HIVEP3: variants seen among roughly 807,000 people sequenced by gnomAD.
HIVEP3 encodes transcription factor HIVEP3.
Under a neutral mutation model 152.8 loss-of-function variants are expected in HIVEP3, and 49 were observed. That is an observed-to-expected ratio of 0.32 (90% CI 0.26 to 0.41). HIVEP3 has a LOEUF of 0.41. Ranked by LOEUF, HIVEP3 falls within the 10% of genes least tolerant of loss-of-function variation. HIVEP3 has a pLI of 1.00. For missense variants in HIVEP3, 2,790 were observed against 3,103.3 expected (o/e 0.90, Z 2.40); for synonymous variants, 1,269 against 1,289.0 (o/e 0.98, Z 0.33).
intron 1 of HIVEP3, among the ~76,000 whole-genome samples, chr1:41,715,440 G>T (rs560212054): frequency 6.6e-6 from 1 of 152,202 alleles, no homozygotes; most frequent in Non-Finnish European, 1.5e-5. Flanking sequence ...CCTGGGGAGG[G>T]TGGGAAGATG....
intron 1 of HIVEP3, among the ~76,000 whole-genome samples, chr1:41,909,665 T>A (rs962665474): frequency 6.6e-6 from 1 of 152,060 alleles, no homozygotes; most frequent in African/African-American, 2.4e-5. Context: ...CTAACAATGG[T>A]AGGATCCACA....
At chr1:41,902,752 G>A (rs558797447) in intron 1 of HIVEP3, among the ~76,000 whole-genome samples, 1 of 152,340 alleles carries the variant, frequency 6.6e-6, no homozygotes, top group South Asian at 2.1e-4. Context: ...TACCCTGGAA[G>A]AGCACACCAA....
chr1:41,541,131 G>A (rs1469458263), intron 5 of HIVEP3, among the ~76,000 whole-genome samples: 2 of 152,122 alleles, frequency 1.3e-5, no homozygotes, highest in African/African-American at 2.4e-5. Context: ...TGCCTCCTCC[G>A]ACCAGCTGTG....
intron 1 of HIVEP3, among the ~76,000 whole-genome samples, chr1:41,827,824 T>C (rs1004757095): frequency 3.7e-4 from 57 of 152,246 alleles, no homozygotes; most frequent in African/African-American, 1.3e-3. Context: ...ACCTCCCTTT[T>C]CCACAGGCTT....
intron 1 of HIVEP3, among the ~76,000 whole-genome samples, chr1:42,002,236 C>T (rs973206682): frequency 2.0e-5 from 3 of 152,198 alleles, no homozygotes; most frequent in African/African-American, 7.2e-5. Flanking sequence ...CCTCTGCCAC[C>T]CACTGCAGCT....
intron 3 of HIVEP3, among the ~76,000 whole-genome samples, chr1:41,620,434 C>T (rs1351862547): frequency 6.6e-6 from 1 of 152,188 alleles, no homozygotes; most frequent in Non-Finnish European, 1.5e-5. Context: ...TCTGATCCTC[C>T]TGTCCTGCCC....
intron 1 of HIVEP3, among the ~76,000 whole-genome samples, chr1:41,979,212 C>T (rs915295279): frequency 1.3e-5 from 2 of 152,172 alleles, no homozygotes; most frequent in Non-Finnish European, 2.9e-5. Flanking sequence ...GTTTGAGAAC[C>T]ACTGTTATCC....
Position 41,561,807 on chromosome 1 carries a change from T to C in HIVEP3, c.5207+13737A>G, listed in dbSNP as rs184860263. On this transcript the variant is annotated intron_variant, in intron 5 of 8. Coordinates refer to ENST00000372583, the MANE Select transcript of HIVEP3 (RefSeq NM_024503.5). ...CACCATGCCTGACCCATATTCACTT[T>C]GCATTTTAGTTTTCATTGTTACTGT... Among the ~76,000 whole-genome samples, 666 of 152,208 alleles carry C rather than the reference T, an allele frequency of 4.4e-3. 8 individuals carry two copies. Among genetic ancestry groups the C allele is most frequent in the African/African-American group, 0.015 (638 of 41,538 alleles).
chr1:41,917,812 C>G (rs1432144327), intron 1 of HIVEP3, among the ~76,000 whole-genome samples: 1 of 151,916 alleles, frequency 6.6e-6, no homozygotes, highest in Non-Finnish European at 1.5e-5. Flanking sequence ...AATGATTTTG[C>G]TTTAGGAATA....
intron 2 of HIVEP3, among the ~76,000 whole-genome samples, chr1:41,635,006 T>C (rs1195977983): frequency 6.6e-6 from 1 of 152,122 alleles, no homozygotes; most frequent in Non-Finnish European, 1.5e-5. Context: ...ATTCAAGAAA[T>C]AGAGAAAACA....
chr1:41,536,516 G>A (rs1222792487), intron 5 of HIVEP3, among the ~76,000 whole-genome samples: 1 of 152,086 alleles, frequency 6.6e-6, no homozygotes, highest in African/African-American at 2.4e-5. Context: ...CACTAGAGGG[G>A]GATGGGCTGG....
intron 2 of HIVEP3, among the ~76,000 whole-genome samples, chr1:41,676,113 A>AC (rs1645951450): frequency 1.3e-5 from 2 of 151,108 alleles, no homozygotes; most frequent in Admixed American, 1.3e-4. Flanking sequence ...GTGCAGTGGC[A>AC]CCATCTCGGC....
At chr1:41,563,670 G>A (rs1442424383) in intron 5 of HIVEP3, among the ~76,000 whole-genome samples, 3 of 152,064 alleles carry the variant, frequency 2.0e-5, no homozygotes, top group Non-Finnish European at 4.4e-5. Flanking sequence ...AACATGAGAA[G>A]ACACCAAAGG....
chr1:41,854,325 C>T (rs532601609), intron 1 of HIVEP3, among the ~76,000 whole-genome samples: 28 of 152,146 alleles, frequency 1.8e-4, no homozygotes, highest in South Asian at 1.0e-3. Context: ...TGAAGGGCCA[C>T]GGGTGCCTGG....
intron 1 of HIVEP3, among the ~76,000 whole-genome samples, chr1:41,884,695 G>A (rs1004478545): frequency 3.2e-4 from 48 of 152,230 alleles, no homozygotes; most frequent in Non-Finnish European, 1.6e-4. Flanking sequence ...GCAGAGCTGA[G>A]AGAGATTTAG....
chr1:41,815,400 G>A (rs2124333851), intron 1 of HIVEP3, among the ~76,000 whole-genome samples: 1 of 152,310 alleles, frequency 6.6e-6, no homozygotes. Context: ...TGAGCCAGGA[G>A]TTTGAGGCTG....
In HIVEP3 at chr1:41,658,415, T is replaced by C. The variant is rs543749522; in HGVS notation, c.-720-29468A>G. 2.6e-5 allele frequency among the ~76,000 whole-genome samples: 4 copies of C among 152,278 alleles called. No individual in the cohort carries two copies. The South Asian group carries it at 8.3e-4, about 32-fold the overall frequency. On this transcript the variant is annotated intron_variant, in intron 2 of 8. Transcript: ENST00000372583. ...CCTAATAGTTATTAAAAGCCCACTATGGACCCAGAGTCCTGGGCTGGGAAG... is the reference window on the plus strand; with the variant it reads ...CCTAATAGTTATTAAAAGCCCACTACGGACCCAGAGTCCTGGGCTGGGAAG...
intron 1 of HIVEP3, among the ~76,000 whole-genome samples, chr1:41,992,219 G>T (rs1284535558): frequency 6.6e-6 from 1 of 151,982 alleles, no homozygotes. Flanking sequence ...GTCCCTCTTT[G>T]CAGATGACAT....
intron 5 of HIVEP3, among the ~76,000 whole-genome samples, chr1:41,570,945 A>G (rs1230908723): frequency 6.6e-6 from 1 of 152,204 alleles, no homozygotes; most frequent in Non-Finnish European, 1.5e-5. Context: ...CCCTTCAGCC[A>G]AAGTATTTTT....
Sources: gnomAD v4.1 joint callset for allele counts (sites outside exome capture counted in the v4.1 genomes callset) on GRCh38, gnomAD v4.1.1 for gene constraint, MANE v1.5 for transcripts, NCBI Gene and HGNC (gene_info 2026-07-23, HGNC 2026-07-21) for gene names.